The following MAST4 variants were observed in gnomAD, a reference collection of about 807,000 sequenced individuals.
MAST4 encodes the protein microtubule associated serine/threonine kinase family member 4.
MAST4 carries 89 observed loss-of-function variants against 162.7 expected under a neutral mutation model. The observed-to-expected ratio is 0.55, with a 90% confidence interval of 0.46 to 0.65. The LOEUF is 0.65. Ranked by LOEUF, MAST4 falls within the 30% of genes least tolerant of loss-of-function variation. MAST4 has a pLI of 0.00. For missense variants in MAST4, 3,153 were observed against 3,374.0 expected, an observed-to-expected ratio of 0.93 and a Z score of 1.62; for synonymous variants, 1,479 against 1,361.1, an observed-to-expected ratio of 1.09 and a Z score of -1.91.
intron 3 of MAST4, among the ~76,000 whole-genome samples, chr5:66,790,213 T>C: frequency 6.6e-6 from 1 of 152,148 alleles, no homozygotes; most frequent in East Asian, 1.9e-4. Context: ...ATGTTGGATA[T>C]TTGGAAATAA....
Position 66,596,906 on chromosome 5 carries a change from C to A in MAST4, c.251C>A (p.Ala84Glu). The A allele has an allele frequency of 7.8e-7, 1 of 1,289,056 alleles. No individual in the cohort carries two copies. Among genetic ancestry groups the A allele is most frequent in the Non-Finnish European group, 9.8e-7 (1 of 1,017,052 alleles). 79.9% of individuals were successfully genotyped at this position (1,289,056 alleles called of 1,614,324 possible). A position where few individuals can be genotyped will look rare whatever the true frequency, so the allele number is the denominator to read the frequency against. ...GARAPAAWAP[A>E]SVLLERGVLA... The stretch of plus-strand genomic sequence containing the variant: ...CGGGCGCCCGCCGCGTGGGCTCCGG[C>A]AAGCGTGCTGCTGGAGCGCGGAGTC... Residue 84 changes from alanine (A) to glutamate (E), a missense_variant, in exon 1 of 29, where the codon GCA (alanine) becomes GAA (glutamate). By Grantham distance (107) the Ala-to-Glu change is moderately radical. Transcript: ENST00000403625.
intron 4 of MAST4, among the ~76,000 whole-genome samples, chr5:67,013,762 A>G (rs920599558): frequency 6.6e-6 from 1 of 152,200 alleles, no homozygotes; most frequent in Admixed American, 6.5e-5. Context: ...TATAAGTATA[A>G]AATGTTTTAC....
intron 4 of MAST4, among the ~76,000 whole-genome samples, chr5:66,996,015 C>T (rs925933804): frequency 3.3e-5 from 5 of 151,806 alleles, no homozygotes; most frequent in Non-Finnish European, 7.4e-5. Flanking sequence ...TGGTGGCTCA[C>T]GCCTATAATC....
intron 10 of MAST4, among the ~76,000 whole-genome samples, chr5:67,107,398 G>A (rs746838214): frequency 1.1e-4 from 17 of 152,302 alleles, no homozygotes; most frequent in Admixed American, 3.3e-4. Context: ...AGAGAAGCAT[G>A]TATACTTGTG....
chr5:66,853,876 AT>A (rs1474223553), intron 3 of MAST4, among the ~76,000 whole-genome samples: 2 of 152,178 alleles, frequency 1.3e-5, no homozygotes, highest in Non-Finnish European at 2.9e-5. Context: ...AGTGCATTTA[AT>A]TTAGCAAAGC....
intron 4 of MAST4, among the ~76,000 whole-genome samples, chr5:66,997,154 CTATG>C (rs536514401): frequency 1.1e-3 from 169 of 151,964 alleles, no homozygotes; most frequent in African/African-American, 3.8e-3. Flanking sequence ...TCAAATATAT[CTATG>C]TATATATTAT....
chr5:67,090,448 TTCTCCCCCTCCCCGC>T (rs1763734065), intron 6 of MAST4, among the ~76,000 whole-genome samples: 3 of 39,488 alleles, frequency 7.6e-5, no homozygotes, highest in African/African-American at 6.7e-4. Flanking sequence ...CCCTCCCCGC[TTCTCCCCCTCCCCGC>T]TTCTCCCCCT....
chr5:66,634,639 G>C (rs1388307987), intron 1 of MAST4, among the ~76,000 whole-genome samples: 1 of 152,150 alleles, frequency 6.6e-6, no homozygotes, highest in Non-Finnish European at 1.5e-5. Flanking sequence ...GGACACATTA[G>C]GGAGCAAATA....
intron 4 of MAST4, among the ~76,000 whole-genome samples, chr5:66,969,845 T>A (rs1488540318): frequency 2.0e-5 from 3 of 152,228 alleles, no homozygotes; most frequent in African/African-American, 7.2e-5. Flanking sequence ...CATTTGTCTT[T>A]TTTATTCTAT....
chr5:66,631,154 A>G (rs1193604321), intron 1 of MAST4, among the ~76,000 whole-genome samples: 3 of 152,176 alleles, frequency 2.0e-5, no homozygotes, highest in South Asian at 2.1e-4. Context: ...GCTAGTTAGA[A>G]TTGTGGATCA....
At chr5:66,835,281 C>T (rs1457008411) in intron 3 of MAST4, among the ~76,000 whole-genome samples, 2 of 152,042 alleles carry the variant, frequency 1.3e-5, no homozygotes, top group African/African-American at 2.4e-5. Context: ...CTAGGTGAAC[C>T]AGTTTACTTC....
At chr5:66,837,421 G>A (rs1758055023) in intron 3 of MAST4, among the ~76,000 whole-genome samples, 1 of 151,952 alleles carries the variant, frequency 6.6e-6, no homozygotes, top group South Asian at 2.1e-4. Flanking sequence ...AGTGGGTTTT[G>A]GGTGCCTGTT....
chr5:66,894,530 A>C (rs988622413), intron 3 of MAST4, among the ~76,000 whole-genome samples: 5 of 152,232 alleles, frequency 3.3e-5, no homozygotes, highest in Non-Finnish European at 7.3e-5. Context: ...AGCACCTGAT[A>C]TACTGCCTTA....
chr5:66,707,680 C>T (rs1265610836), intron 1 of MAST4, among the ~76,000 whole-genome samples: 1 of 152,128 alleles, frequency 6.6e-6, no homozygotes, highest in African/African-American at 2.4e-5. Flanking sequence ...TCTAAAGACC[C>T]TATCTCCAAA....
At chr5:67,069,324 T>C (rs1760645360) in intron 5 of MAST4, among the ~76,000 whole-genome samples, 1 of 101,478 alleles carries the variant, frequency 9.9e-6, no homozygotes, top group African/African-American at 4.9e-5. Context: ...AATTTTAAAA[T>C]ATTCCTTCTA....
chr5:66,976,433 A>G (rs1044600979), intron 4 of MAST4, among the ~76,000 whole-genome samples: 2 of 152,232 alleles, frequency 1.3e-5, no homozygotes, highest in Non-Finnish European at 2.9e-5. Context: ...GCCAAGCACA[A>G]TACTGGGGAG....
chr5:67,153,238 T>C (rs898632082), intron 25 of MAST4, among the ~76,000 whole-genome samples: 1 of 152,174 alleles, frequency 6.6e-6, no homozygotes, highest in African/African-American at 2.4e-5. Flanking sequence ...TCTTTGTGGC[T>C]CTGGTACTTT....
chr5:67,142,690 T>G lies in MAST4; in HGVS notation c.2730+157T>G, dbSNP rs1254373221. On this transcript the variant is annotated intron_variant, in intron 21 of 28. Coordinates refer to ENST00000403625, the MANE Select transcript of MAST4 (RefSeq NM_001164664.2). Reference sequence around the variant, plus strand: ...GTTGAAGAAAAGTGACCTCCTCAACTTATAGTCTGTCCCTATCCCCTAGGC... The same window carrying G: ...GTTGAAGAAAAGTGACCTCCTCAACGTATAGTCTGTCCCTATCCCCTAGGC... 8.3e-6 allele frequency: 5 copies of G among 601,982 alleles called. No homozygotes were observed. The East Asian group carries it at 1.4e-4, about 17-fold the overall frequency. The allele number at this position is 601,982 out of a possible 1,614,324, so 37.3% of individuals were successfully genotyped here.
Position 67,006,608 on chromosome 5 carries a change from GA to G in MAST4, c.675-47794del, listed in dbSNP as rs1752070045. On this transcript the variant is annotated intron_variant, in intron 4 of 28. Coordinates refer to ENST00000403625, the MANE Select transcript of MAST4 (RefSeq NM_001164664.2). ...TACCTGGAACCAGTTCTTAGGGAGAGAAGTCTGTTCTGGCATCGTATGTGTG... is the reference window on the plus strand; with the variant it reads ...TACCTGGAACCAGTTCTTAGGGAGAGAGTCTGTTCTGGCATCGTATGTGTG... Among the ~76,000 whole-genome samples, 3 of 152,348 alleles carry G rather than the reference GA, an allele frequency of 2.0e-5. No homozygotes were observed. The South Asian group carries it at 6.2e-4, about 32-fold the overall frequency.
Sources: gnomAD v4.1 joint callset for allele counts (sites outside exome capture counted in the v4.1 genomes callset) on GRCh38, gnomAD v4.1.1 for gene constraint, MANE v1.5 for transcripts, NCBI Gene and HGNC (gene_info 2026-07-23, HGNC 2026-07-21) for gene names.